Variants in KRT6A observed in about 807,000 individuals in gnomAD.
KRT6A encodes keratin 6A.
A neutral mutation model predicts 48.6 loss-of-function variants in KRT6A; 28 were observed. That is an observed-to-expected ratio of 0.58 (90% CI 0.43 to 0.79). KRT6A has a LOEUF of 0.79. Among genes scored for constraint, KRT6A ranks in the 30% least tolerant of loss-of-function variants. KRT6A has a pLI of 0.00. For missense variants in KRT6A, 687 were observed against 724.3 expected (o/e 0.95, Z 0.59); for synonymous variants, 301 against 294.2 (o/e 1.02, Z -0.24).
chr12:52,489,815 G>C (rs1938224937), intron 6 of KRT6A, 128 bp downstream of exon 6: 1 of 1,489,236 alleles, frequency 6.7e-7, no homozygotes, highest in Non-Finnish European at 9.2e-7. Context: ...CCCACTAAGG[G>C]TAGGAAATGA....
chr12:52,491,801 G>A, intron 1 of KRT6A, 65 bp from the exon 2 acceptor site: 1 of 1,598,390 alleles, frequency 6.3e-7, no homozygotes, highest in Non-Finnish European at 8.5e-7. Flanking sequence ...CTGGTATCCG[G>A]TTTCCTGGCA....
intron 4 of KRT6A, 55 bp from the exon 5 acceptor site, chr12:52,490,788 C>A: frequency 3.7e-6 from 6 of 1,614,036 alleles, no homozygotes; most frequent in Non-Finnish European, 5.1e-6. Context: ...ACAGAGATAC[C>A]CAACCCTATA....
rs1938225394 is a variant in KRT6A at position 52,489,837 on chromosome 12, C to G, written c.1203+106G>C. 3.2e-6 allele frequency: 5 copies of G among 1,582,498 alleles called. No homozygotes were observed. In the South Asian group the frequency reaches 3.4e-5, roughly 11 times the overall value. On this transcript the variant is annotated intron_variant, in intron 6 of 8. Coordinates refer to ENST00000330722, the MANE Select transcript of KRT6A (RefSeq NM_005554.4). ...AGGGTAGGAAATGATAGCCTCCTCT[C>G]CCTGGTTTTGATAAGTTCCAGGGGA...
At position 52,487,474 on chromosome 12, in the gene KRT6A, A is replaced by AAG. The variant is rs1364235823; in HGVS notation, c.*245_*246insCT. On this transcript the variant is annotated 3_prime_UTR_variant, in exon 9 of 9. Coordinates refer to ENST00000330722, the MANE Select transcript of KRT6A (RefSeq NM_005554.4). ...GGAGGCAAGAAATTAATAATTTAGT[A>AAG]ACAGTGAAGCTCCAGTGGTGATTAC... 3.7e-6 allele frequency: 2 copies of AAG among 533,974 alleles called. No individual in the cohort carries two copies. Among genetic ancestry groups the AAG allele is most frequent in the Non-Finnish European group, 6.6e-6 (2 of 305,328 alleles). The allele number at this position is 533,974 out of a possible 1,614,324, so 33.1% of individuals were successfully genotyped here.
chr12:52,492,244 T>C (rs1938281047), intron 1 of KRT6A, among the ~76,000 whole-genome samples: 1 of 122,266 alleles, frequency 8.2e-6, no homozygotes, highest in Admixed American at 7.9e-5. Flanking sequence ...GTTTTAAGTC[T>C]TTTTTTTCTT....
rs202133726 is a variant in KRT6A at position 52,487,701 on chromosome 12, G to C, written c.*19C>G. 7 of 1,614,184 alleles carry C rather than the reference G, an allele frequency of 4.3e-6. No homozygotes were observed. In the South Asian group the frequency reaches 4.4e-5, roughly 10 times the overall value. On this transcript the variant is annotated 3_prime_UTR_variant, in exon 9 of 9. Transcript: ENST00000330722. Reference sequence around the variant, plus strand: ...AGAGGGGCCTGAGGACTGTGGGACCGAGAGCTAGCAGACGCACTTTAGTGC... The same window carrying C: ...AGAGGGGCCTGAGGACTGTGGGACCCAGAGCTAGCAGACGCACTTTAGTGC...
At chr12:52,491,861 G>T (rs1592186108) in intron 1 of KRT6A, 125 bp from the exon 2 acceptor site, 2 of 1,281,432 alleles carry the variant, frequency 1.6e-6, no homozygotes, top group East Asian at 2.5e-5. Context: ...ATGTAGAGAG[G>T]CTCAGGCTGA....
At chr12:52,488,648 T>C in intron 6 of KRT6A, 100 bp from the exon 7 acceptor site, 5 of 1,460,558 alleles carry the variant, frequency 3.4e-6, no homozygotes, top group Non-Finnish European at 4.8e-6. Flanking sequence ...GAGCCCAGAA[T>C]TGATGGTGAA....
rs1938279080 is a variant in KRT6A, at chr12:52,492,158, CT to C, written c.541-423del. Among the ~76,000 whole-genome samples the C allele has an allele frequency of 2.6e-5, 4 of 152,340 alleles. No individual in the cohort carries two copies. In the South Asian group the frequency reaches 8.3e-4, roughly 32 times the overall value. ...TCTTATTTCCCATTTGTGCAAGTCTCTCCTCTAAAACATCCTGATGTTATGG... is the reference window on the plus strand; with the variant it reads ...TCTTATTTCCCATTTGTGCAAGTCTCCCTCTAAAACATCCTGATGTTATGG... On this transcript the variant is annotated intron_variant, in intron 1 of 8. Coordinates refer to ENST00000330722, the MANE Select transcript of KRT6A (RefSeq NM_005554.4).
chr12:52,491,132 C>G lies in KRT6A; in HGVS notation c.796G>C (p.Glu266Gln), dbSNP rs774586645. The change falls in exon 3 of 9, where the codon GAA becomes CAA. Residue 266 changes from glutamate (E) to glutamine (Q), a missense_variant. Glu to Gln is a conservative substitution (Grantham distance 29). Around this residue, in one of 3 missense-constraint regions of KRT6A, gnomAD observed 566 missense variants for 565.3 expected, o/e 1.00. Coordinates refer to ENST00000330722, the MANE Select transcript of KRT6A (RefSeq NM_005554.4). ...CTCACCTTCTTCAGAGTCACAAATTCATTCTCTGCTGCTGTGCGCTTGTTG... is the reference window on the plus strand; with the variant it reads ...CTCACCTTCTTCAGAGTCACAAATTGATTCTCTGCTGCTGTGCGCTTGTTG... ...EINKRTAAEN[E>Q]FVTLKKDVDA... 4 of 1,614,004 alleles carry G rather than the reference C, an allele frequency of 2.5e-6. No individual in the cohort carries two copies. The highest frequency in any genetic ancestry group is 1.7e-5 in the Admixed American group (1 of 60,014).
chr12:52,488,453 G>T lies in KRT6A; in HGVS notation c.1299C>A (p.Ala433=). ...AKNKLEGLED[A]LQKAKQDLAR... ...CCAGGTCCTGCTTGGCCTTCTGCAG[G>T]GCATCCTCCAGCCCTTCCAGCTTGT... The change falls in exon 7 of 9, where the codon GCC becomes GCA. Residue 433 remains alanine (A), a synonymous_variant. Coordinates refer to ENST00000330722, the MANE Select transcript of KRT6A (RefSeq NM_005554.4). 6.2e-7 allele frequency: 1 copy of T among 1,614,126 alleles called. No homozygotes were observed. Among genetic ancestry groups the T allele is most frequent in the Non-Finnish European group, 8.5e-7 (1 of 1,180,038 alleles).
chr12:52,487,834 G>A lies in KRT6A; in HGVS notation c.1581C>T (p.Phe527=), dbSNP rs1053722. 1.2e-6 allele frequency: 2 copies of A among 1,614,058 alleles called. No homozygotes were observed. The highest frequency in any genetic ancestry group is 8.5e-7 in the Non-Finnish European group (1 of 1,179,920). Residue 527 remains phenylalanine, a synonymous_variant, in exon 9 of 9, where the codon TTC becomes TTT. Coordinates refer to ENST00000330722, the MANE Select transcript of KRT6A (RefSeq NM_005554.4). ...CAATGGCTCTGCCACTGCTGGAACT[G>A]AAGCCACCTCCAACGCCAAGACCAC... The part of the protein sequence containing the change: ...YGSGLGVGGG[F]SSSSGRAIGG...
At position 52,490,931 on chromosome 12, in the gene KRT6A, T is replaced by C. The variant is rs768011751; in HGVS notation, c.839A>G (p.Asn280Ser). The C allele has an allele frequency of 6.2e-7, 1 of 1,613,972 alleles. No homozygotes were observed. The highest frequency in any genetic ancestry group is 8.5e-7 in the Non-Finnish European group (1 of 1,179,882). ...LKKDVDAAYM[N>S]KVELQAKADT... ...TGCCTTGGCTTGCAGTTCAACCTTG[T>C]TCATGTAGGCAGCATCCACATCCTG... Residue 280 changes from asparagine (N) to serine (S), a missense_variant, in exon 4 of 9, where the codon AAC (asparagine) becomes AGC (serine). By Grantham distance (46) the Asn-to-Ser change is conservative. Transcript: ENST00000330722.
At chr12:52,488,591 C>T (rs1301769651) in intron 6 of KRT6A, 43 bp from the exon 7 acceptor site, 1 of 1,605,138 alleles carries the variant, frequency 6.2e-7, no homozygotes, top group Non-Finnish European at 8.5e-7. Flanking sequence ...ATCCGGTCTT[C>T]CAGAGGAGAC....
intron 1 of KRT6A, among the ~76,000 whole-genome samples, 186 bp from the exon 2 acceptor site, chr12:52,491,922 G>C (rs1336718107): frequency 6.6e-6 from 1 of 152,150 alleles, no homozygotes; most frequent in African/African-American, 2.4e-5. Flanking sequence ...TCTCACTAGA[G>C]GAATTGTCCC....
chr12:52,490,110 C>G, intron 5 of KRT6A, 42 bp from the exon 6 acceptor site: 1 of 1,613,312 alleles, frequency 6.2e-7, no homozygotes, highest in Non-Finnish European at 8.5e-7. Flanking sequence ...TCTACGGGTT[C>G]TTACCTGGGA....
At position 52,490,067 on chromosome 12, in the gene KRT6A, T is replaced by C; in HGVS notation, c.1079A>G (p.Tyr360Cys). The part of the protein sequence containing the change: ...AEAESWYQTK[Y>C]EELQVTAGRH... ...GCCTGCTGTGACCTGCAGCTCCTCGTACTGCAGCCCAGAGGTGGAGAGAGA... is the reference window on the plus strand; with the variant it reads ...GCCTGCTGTGACCTGCAGCTCCTCGCACTGCAGCCCAGAGGTGGAGAGAGA... The change falls in exon 6 of 9, where the codon TAC becomes TGC. Residue 360 changes from tyrosine (Y) to cysteine (C), a missense_variant and splice_region_variant. Tyr to Cys is a radical substitution (Grantham distance 194, BLOSUM62 -2). Around this residue, in one of 3 missense-constraint regions of KRT6A, gnomAD observed 566 missense variants for 565.3 expected, o/e 1.00. Transcript: ENST00000330722. 6.2e-7 allele frequency: 1 copy of C among 1,614,038 alleles called. No homozygotes were observed. Among genetic ancestry groups the C allele is most frequent in the Non-Finnish European group, 8.5e-7 (1 of 1,179,998 alleles).
At chr12:52,489,252 T>C (rs1938207899) in intron 6 of KRT6A, among the ~76,000 whole-genome samples, 1 of 150,780 alleles carries the variant, frequency 6.6e-6, no homozygotes, top group South Asian at 2.1e-4. Context: ...ATTCTTAAAC[T>C]TTCTGAATAC....
intron 1 of KRT6A, among the ~76,000 whole-genome samples, 153 bp downstream of exon 1, chr12:52,492,496 G>A (rs1029366618): frequency 2.6e-5 from 4 of 152,174 alleles, no homozygotes; most frequent in African/African-American, 9.7e-5. Context: ...GCCCATCCCT[G>A]CTGCTTGCTG....
Sources: gnomAD v4.1 joint callset for allele counts (sites outside exome capture counted in the v4.1 genomes callset) on GRCh38, gnomAD v4.1.1 for gene constraint, gnomAD v4.1.1 regional missense constraint, MANE v1.5 for transcripts, NCBI Gene and HGNC (gene_info 2026-07-23, HGNC 2026-07-21) for gene names.